Variants in WNT10A observed in about 807,000 individuals in gnomAD.
WNT10A encodes the protein protein Wnt-10a.
Under a neutral mutation model 36.1 loss-of-function variants are expected in WNT10A, and 37 were observed. That is an observed-to-expected ratio of 1.02 (90% CI 0.79 to 1.35). The LOEUF (loss-of-function observed/expected upper bound fraction) is 1.35, where lower values mean the gene tolerates loss of function less well. Among genes scored for constraint, WNT10A ranks in the 40% most tolerant of loss-of-function variants. The probability of loss-of-function intolerance (pLI) is 0.00; values close to 1 mark genes in which losing one functional copy is unlikely to be tolerated. For missense variants in WNT10A, 613 were observed against 601.4 expected (o/e 1.02, Z -0.20); for synonymous variants, 255 against 254.1 (o/e 1.00, Z -0.03).
intron 1 of WNT10A, 31 bp downstream of exon 1, chr2:218,881,139 A>G: frequency 6.4e-7 from 1 of 1,566,212 alleles, no homozygotes; most frequent in South Asian, 1.2e-5. Context: ...CCGCCCTCCT[A>G]GAGAGTTGGG....
At chr2:218,879,014 G>A (rs1291908576), upstream of WNT10A, among the ~76,000 whole-genome samples, 1 of 152,192 alleles carries the variant, frequency 6.6e-6, no homozygotes, top group African/African-American at 2.4e-5. Flanking sequence ...GGCTCTAGCT[G>A]ACGCAGTCTG....
rs1291825323 is a variant in WNT10A at position 218,892,575 on chromosome 2, G to A, written c.757-199G>A. Among the ~76,000 whole-genome samples, 8 of 152,324 alleles carry A rather than the reference G, an allele frequency of 5.3e-5. No individual in the cohort carries two copies. In the East Asian group the frequency reaches 5.8e-4, roughly 11 times the overall value. ...CCCCCGGGGCCTGGCCTGGTGGGAG[G>A]TGGGTGGGAGAGGCAGAGGCAGAGG... On this transcript the variant is annotated intron_variant, in intron 3 of 3. Coordinates refer to ENST00000258411, the MANE Select transcript of WNT10A (RefSeq NM_025216.3).
upstream of WNT10A, among the ~76,000 whole-genome samples, chr2:218,879,768 G>A (rs749868159): frequency 2.0e-5 from 3 of 152,212 alleles, no homozygotes; most frequent in African/African-American, 7.2e-5. Flanking sequence ...TCGCTCTTCC[G>A]CTAATTTGCT....
chr2:218,883,328 ATTTTC>A (rs1944539725), intron 2 of WNT10A, among the ~76,000 whole-genome samples: 1 of 151,966 alleles, frequency 6.6e-6, no homozygotes, highest in Non-Finnish European at 1.5e-5. Flanking sequence ...GTCTTGTCCA[ATTTTC>A]AGTGGAGGTG....
chr2:218,878,725 G>A (rs557206725), upstream of WNT10A, among the ~76,000 whole-genome samples: 1 of 152,286 alleles, frequency 6.6e-6, no homozygotes, highest in African/African-American at 2.4e-5. The surrounding 1 kb of genome is among the most constrained non-coding windows in gnomAD (Gnocchi z 4.1). Flanking sequence ...AGCGCGTGAT[G>A]GGGAATAAGG....
chr2:218,893,473 T>A lies in WNT10A; in HGVS notation c.*202T>A. The A allele has an allele frequency of 1.4e-6, 1 of 705,618 alleles. No homozygotes were observed. The highest frequency in any genetic ancestry group is 2.2e-6 in the Non-Finnish European group (1 of 453,248). 43.7% of individuals were successfully genotyped at this position (705,618 alleles called of 1,614,324 possible). ...GTCTGAACCCCACCACTCACTTCTGTGGGCTCTAGGACTGACTGGGTTCTT... is the reference window on the plus strand; with the variant it reads ...GTCTGAACCCCACCACTCACTTCTGAGGGCTCTAGGACTGACTGGGTTCTT... On this transcript the variant is annotated 3_prime_UTR_variant, in exon 4 of 4. Transcript: ENST00000258411. This position sits in a 1 kb window ranked among gnomAD's most constrained non-coding sequence, Gnocchi z 6.3.
intron 2 of WNT10A, among the ~76,000 whole-genome samples, chr2:218,885,145 AG>A (rs1298859485): frequency 1.3e-4 from 19 of 151,976 alleles, no homozygotes; most frequent in African/African-American, 4.6e-4. Context: ...AGCCAAGGAG[AG>A]GGGATGAGGG....
chr2:218,885,002 T>G (rs1189052182), intron 2 of WNT10A, among the ~76,000 whole-genome samples: 1 of 152,196 alleles, frequency 6.6e-6, no homozygotes, highest in African/African-American at 2.4e-5. Context: ...TACTATCACC[T>G]AATTGTCCTG....
intron 3 of WNT10A, among the ~76,000 whole-genome samples, 179 bp downstream of exon 3, chr2:218,890,542 G>A (rs1944639331): frequency 6.6e-6 from 1 of 152,214 alleles, no homozygotes; most frequent in African/African-American, 2.4e-5. Context: ...ACCAGGCACT[G>A]GACTAGGCCT....
chr2:218,890,644 C>T (rs1361137621), intron 3 of WNT10A, among the ~76,000 whole-genome samples: 1 of 152,166 alleles, frequency 6.6e-6, no homozygotes, highest in African/African-American at 2.4e-5. Flanking sequence ...GGTGATCACC[C>T]AGGAGAAAGG....
upstream of WNT10A, among the ~76,000 whole-genome samples, chr2:218,878,875 C>T (rs1006470655): frequency 6.6e-6 from 1 of 152,202 alleles, no homozygotes; most frequent in Non-Finnish European, 1.5e-5. The surrounding 1 kb of genome is among the most constrained non-coding windows in gnomAD (Gnocchi z 4.1). Flanking sequence ...GTGCCTGTCT[C>T]CTGTCTTGAG....
At chr2:218,882,811 A>G (rs369533203) in intron 2 of WNT10A, among the ~76,000 whole-genome samples, 3 of 152,332 alleles carry the variant, frequency 2.0e-5, no homozygotes, top group East Asian at 3.9e-4. Context: ...ACCCAGAATC[A>G]GCATGAGGAG....
Position 218,893,281 on chromosome 2 carries a change from G to A in WNT10A, c.*10G>A, listed in dbSNP as rs1360751323. On this transcript the variant is annotated 3_prime_UTR_variant, in exon 4 of 4. Transcript: ENST00000258411. This position sits in a 1 kb window ranked among gnomAD's most constrained non-coding sequence, Gnocchi z 6.3. ...CAGCGTCTGCAAGTGAGCGGCCCGG[G>A]GTCCCCTGGGCCCTGATCGAGGTCC... 4.5e-6 allele frequency: 7 copies of A among 1,542,418 alleles called. No homozygotes were observed. The highest frequency in any genetic ancestry group is 1.2e-5 in the South Asian group (1 of 84,764).
intron 1 of WNT10A, among the ~76,000 whole-genome samples, chr2:218,881,363 G>A (rs1324769072): frequency 3.3e-5 from 5 of 152,120 alleles, no homozygotes; most frequent in Non-Finnish European, 7.4e-5. Context: ...TGTGTGTGGG[G>A]GGGGAGCAAG....
rs774151091 is a variant in WNT10A, at chr2:218,890,370, G to A, written c.756+7G>A. On this transcript the variant is annotated splice_region_variant and intron_variant, in intron 3 of 3. Coordinates refer to ENST00000258411, the MANE Select transcript of WNT10A (RefSeq NM_025216.3). The stretch of plus-strand genomic sequence containing the variant: ...CAACCGAGTTGGGAGGCAGGTGAGA[G>A]CCCCACCCCTGGGTCTGCTTCAAAT... 1.3e-6 allele frequency: 2 copies of A among 1,599,428 alleles called. No homozygotes were observed. The highest frequency in any genetic ancestry group is 2.7e-5 in the African/African-American group (2 of 74,892).
intron 2 of WNT10A, among the ~76,000 whole-genome samples, chr2:218,888,964 G>A (rs1944614039): frequency 6.6e-6 from 1 of 152,032 alleles, no homozygotes; most frequent in Non-Finnish European, 1.5e-5. Flanking sequence ...GGAACAGATG[G>A]TGTTTGGTTA....
the WNT10A span, among the ~76,000 whole-genome samples, chr2:218,875,159 C>CTTTTTTTTTTTTTTTTTTTTTTTTTTT: frequency 8.1e-5 from 3 of 36,862 alleles, 1 homozygote; most frequent in Non-Finnish European, 1.8e-4. Context: ...GACTGACTTT[C>CTTTTTTTTTTTTTTTTTTTTTTTTTTT]TTTTTTTTTT....
intron 2 of WNT10A, among the ~76,000 whole-genome samples, 162 bp downstream of exon 2, chr2:218,882,585 C>A (rs1347961857): frequency 6.6e-6 from 1 of 152,204 alleles, no homozygotes; most frequent in African/African-American, 2.4e-5. Context: ...TGATCTCAGG[C>A]CATGGGGGCA....
At chr2:218,882,077 C>T in intron 1 of WNT10A, 84 bp from the exon 2 acceptor site, 2 of 1,531,986 alleles carry the variant, frequency 1.3e-6, no homozygotes, top group East Asian at 2.3e-5. Flanking sequence ...GTGATTATGG[C>T]CGTTGGGACA....
Sources: gnomAD v4.1 joint callset for allele counts (sites outside exome capture counted in the v4.1 genomes callset) on GRCh38, gnomAD v4.1.1 for gene constraint, Gnocchi (gnomAD v3.1) non-coding constraint, MANE v1.5 for transcripts, NCBI Gene and HGNC (gene_info 2026-07-23, HGNC 2026-07-21) for gene names.